Variants in IPO7 observed in about 807,000 individuals in gnomAD.
IPO7 encodes importin-7.
A neutral mutation model predicts 136.4 loss-of-function variants in IPO7; 13 were observed. That is an observed-to-expected ratio of 0.10 (90% CI 0.06 to 0.15). The LOEUF (loss-of-function observed/expected upper bound fraction) is 0.15. Among genes scored for constraint, IPO7 ranks in the 10% least tolerant of loss-of-function variants. IPO7 has a pLI of 1.00. For synonymous variants in IPO7, 403 were observed against 404.4 expected (o/e 1.00, Z 0.04); for missense variants, 857 against 1,240.6 (o/e 0.69, Z 4.65).
intron 16 of IPO7, chr11:9,433,004 T>TTTTTTTTTTTTTTTTTTG (rs1283722932): frequency 6.6e-6 from 1 of 150,740 alleles, no homozygotes; most frequent in Admixed American, 6.7e-5. Context: ...TTTTTTTTTT[T>TTTTTTTTTTTTTTTTTTG]TGAGATGGAG....
At chr11:9,431,923 A>C (rs1190716234) in intron 16 of IPO7, among the ~76,000 whole-genome samples, 1 of 152,094 alleles carries the variant, frequency 6.6e-6, no homozygotes, top group East Asian at 1.9e-4. Flanking sequence ...TGCAGTGAGC[A>C]TAGATCGCGC....
In IPO7 at chr11:9,399,513, A is replaced by G. The variant is rs1031997575; in HGVS notation, c.85-3777A>G. The stretch of plus-strand genomic sequence containing the variant: ...GAATTGACAGGACTTGATATATTAA[A>G]TTGGGTTGATGAAGAGGAAGGTGGT... On this transcript the variant is annotated intron_variant, in intron 1 of 24. Coordinates refer to ENST00000379719, the MANE Select transcript of IPO7 (RefSeq NM_006391.3). Among the ~76,000 whole-genome samples, 6 of 152,146 alleles carry G rather than the reference A, an allele frequency of 3.9e-5. No individual in the cohort carries two copies. The East Asian group carries it at 1.2e-3, about 29-fold the overall frequency.
At chr11:9,428,852 A>C in intron 13 of IPO7, 179 bp from the exon 14 acceptor site, 1 of 792,462 alleles carries the variant, frequency 1.3e-6, no homozygotes, top group Non-Finnish European at 2.3e-6. Context: ...TGCTATCCAC[A>C]CAAACATCAT....
intron 11 of IPO7, 30 bp downstream of exon 11, chr11:9,425,020 T>A (rs756820562): frequency 7.0e-7 from 1 of 1,427,742 alleles, no homozygotes; most frequent in Non-Finnish European, 9.8e-7. Context: ...AGATAACTTT[T>A]CTGTATTATT....
At chr11:9,434,299 T>G (rs188762621) in intron 18 of IPO7, among the ~76,000 whole-genome samples, 1 of 152,134 alleles carries the variant, frequency 6.6e-6, no homozygotes, top group Non-Finnish European at 1.5e-5. Context: ...CTCTCAGTGG[T>G]GATGCATGAT....
rs747966660 is a variant in IPO7, at chr11:9,414,444, AAGTT to A, written c.636+37_636+40del. On this transcript the variant is annotated intron_variant, in intron 5 of 24. Transcript: ENST00000379719. Reference sequence around the variant, plus strand: ...CTGTGAAGCAGTTTTTATGCATAAAAAGTTAGTCTGTCATTTACCGTGTTAAAAA... The same window carrying A: ...CTGTGAAGCAGTTTTTATGCATAAAAAGTCTGTCATTTACCGTGTTAAAAA... 9 of 1,417,312 alleles carry A rather than the reference AAGTT, an allele frequency of 6.4e-6. No homozygotes were observed. In the East Asian group the frequency reaches 1.7e-4, roughly 27 times the overall value. 87.8% of individuals were successfully genotyped at this position (1,417,312 alleles called of 1,614,324 possible). A position where few individuals can be genotyped will look rare whatever the true frequency, so the allele number is the denominator to read the frequency against.
intron 1 of IPO7, among the ~76,000 whole-genome samples, chr11:9,401,446 A>T (rs1219219235): frequency 6.6e-6 from 1 of 152,014 alleles, no homozygotes; most frequent in Non-Finnish European, 1.5e-5. Flanking sequence ...TGATCCCAGC[A>T]CTTTAGGAGA....
chr11:9,417,438 T>C (rs1055983609), intron 6 of IPO7, among the ~76,000 whole-genome samples: 1 of 152,148 alleles, frequency 6.6e-6, no homozygotes, highest in African/African-American at 2.4e-5. Flanking sequence ...GTTCATAAAT[T>C]AAGAGCTCAT....
chr11:9,407,805 C>T (rs183330938), intron 2 of IPO7, among the ~76,000 whole-genome samples: 74 of 152,274 alleles, frequency 4.9e-4, no homozygotes, highest in African/African-American at 1.7e-3. Context: ...AGATTTGTGA[C>T]TCTGTTCTCC....
chr11:9,397,222 T>C (rs530678779), intron 1 of IPO7, among the ~76,000 whole-genome samples: 1 of 149,648 alleles, frequency 6.7e-6, no homozygotes, highest in African/African-American at 2.5e-5. Flanking sequence ...AAACGCATGC[T>C]TCCACTTCCA....
At chr11:9,400,657 C>T (rs1854780534) in intron 1 of IPO7, among the ~76,000 whole-genome samples, 1 of 151,622 alleles carries the variant, frequency 6.6e-6, no homozygotes, top group South Asian at 2.1e-4. Context: ...CTCCTGACCT[C>T]GTGGTCCGCC....
intron 20 of IPO7, among the ~76,000 whole-genome samples, 182 bp from the exon 21 acceptor site, chr11:9,437,572 G>C (rs1855397091): frequency 6.6e-6 from 1 of 152,184 alleles, no homozygotes; most frequent in Non-Finnish European, 1.5e-5. Flanking sequence ...GCTTTTAATA[G>C]CTCCATGAAG....
chr11:9,396,269 C>G (rs1225750951), intron 1 of IPO7, among the ~76,000 whole-genome samples: 2 of 151,818 alleles, frequency 1.3e-5, no homozygotes, highest in South Asian at 2.1e-4. Flanking sequence ...CAGCACATGC[C>G]CCTGTAATCC....
intron 24 of IPO7, among the ~76,000 whole-genome samples, chr11:9,443,029 A>C (rs555745866): frequency 6.6e-6 from 1 of 152,058 alleles, no homozygotes; most frequent in Non-Finnish European, 1.5e-5. Context: ...TCTCCAAAAA[A>C]ACAGAAACAA....
chr11:9,405,999 C>A lies in IPO7; in HGVS notation c.167-2487C>A, dbSNP rs1303662863. Among the ~76,000 whole-genome samples the A allele has an allele frequency of 4.0e-5, 6 of 150,120 alleles. No homozygotes were observed. In the Admixed American group the frequency reaches 4.0e-4, roughly 10 times the overall value. ...AAACTTCTGGGCTCAAATAATCTTT[C>A]TACTTTAGCCTGCCAAACATCTGGG... On this transcript the variant is annotated intron_variant, in intron 2 of 24. Transcript: ENST00000379719.
intron 4 of IPO7, among the ~76,000 whole-genome samples, chr11:9,413,483 A>G (rs1341799290): frequency 6.6e-6 from 1 of 151,900 alleles, no homozygotes; most frequent in African/African-American, 2.4e-5. Flanking sequence ...AATACTTCCT[A>G]ATTTATTATT....
intron 2 of IPO7, among the ~76,000 whole-genome samples, chr11:9,405,611 T>G (rs1423468064): frequency 6.6e-6 from 1 of 152,164 alleles, no homozygotes; most frequent in Admixed American, 6.5e-5. Context: ...TTTGTAGAGA[T>G]GGCGTCCTGC....
intron 1 of IPO7, among the ~76,000 whole-genome samples, chr11:9,394,502 AATTACATTCTTC>A (rs1255464246): frequency 1.3e-5 from 2 of 152,156 alleles, no homozygotes; most frequent in Admixed American, 6.6e-5. Flanking sequence ...TCATTCCTTG[AATTACATTCTTC>A]ATTACATTCT....
At chr11:9,420,893 T>TA (rs1375546904) in intron 8 of IPO7, among the ~76,000 whole-genome samples, 195 bp downstream of exon 8, 1 of 152,204 alleles carries the variant, frequency 6.6e-6, no homozygotes, top group Non-Finnish European at 1.5e-5. Flanking sequence ...TTATGTGAGT[T>TA]ATACCTAGTA....
Sources: allele counts gnomAD v4.1 joint callset (sites outside exome capture counted in the v4.1 genomes callset), GRCh38; gene constraint gnomAD v4.1.1; transcripts MANE v1.5; gene names NCBI Gene and HGNC (gene_info 2026-07-23, HGNC 2026-07-21).